PCSK6: variants seen among roughly 807,000 people sequenced by gnomAD.
PCSK6 encodes proprotein convertase subtilisin/kexin type 6.
PCSK6 carries 85 observed loss-of-function variants against 123.3 expected under a neutral mutation model. The observed-to-expected ratio is 0.69, with a 90% CI of 0.58 to 0.83. The LOEUF is 0.83. PCSK6 is among the 40% of genes least tolerant of loss of function. The pLI is 0.00. For synonymous variants in PCSK6, 508 were observed against 516.0 expected (o/e 0.98, Z 0.21); for missense variants, 1,191 against 1,282.3 (o/e 0.93, Z 1.09).
chr15:101,407,360 T>C (rs2042810258), intron 6 of PCSK6, among the ~76,000 whole-genome samples: 1 of 152,218 alleles, frequency 6.6e-6, no homozygotes, highest in Non-Finnish European at 1.5e-5. Context: ...CCCCTTCCTC[T>C]TGTATTTTCA....
At chr15:101,314,395 G>A (rs772944426) in intron 19 of PCSK6, among the ~76,000 whole-genome samples, 2 of 152,156 alleles carry the variant, frequency 1.3e-5, no homozygotes, top group Non-Finnish European at 2.9e-5. Context: ...GACTGACAGC[G>A]GAGAGGGTTA....
chr15:101,435,876 G>C (rs1396128757), intron 2 of PCSK6, among the ~76,000 whole-genome samples: 4 of 152,186 alleles, frequency 2.6e-5, no homozygotes, highest in African/African-American at 9.7e-5. Flanking sequence ...TTGCCATGCT[G>C]CAGGCTGTCC....
chr15:101,484,010 T>C (rs1361398527), intron 1 of PCSK6, among the ~76,000 whole-genome samples: 3 of 152,376 alleles, frequency 2.0e-5, no homozygotes, highest in East Asian at 3.9e-4. Context: ...TGTATCTGTG[T>C]ATATGTCTAT....
intron 13 of PCSK6, among the ~76,000 whole-genome samples, chr15:101,344,489 A>G (rs2040687032): frequency 6.6e-6 from 1 of 152,186 alleles, no homozygotes; most frequent in South Asian, 2.1e-4. Context: ...CTGGAGAATC[A>G]CTAACTCATA....
At position 101,388,327 on chromosome 15, in the gene PCSK6, C is replaced by T. The variant is rs1436158061; in HGVS notation, c.1310+1137G>A. Among the ~76,000 whole-genome samples the T allele has an allele frequency of 3.3e-5, 5 of 152,356 alleles. No homozygotes were observed. The East Asian group carries it at 5.8e-4, about 18-fold the overall frequency. ...ATCCACATGCAAACACACGTAATTA[C>T]AAGCATTGAGGCATCCCAACCATTC... is the stretch of plus-strand genomic sequence containing the variant. On this transcript the variant is annotated intron_variant, in intron 9 of 21. Coordinates refer to ENST00000611716, the MANE Select transcript of PCSK6 (RefSeq NM_002570.5).
At position 101,384,397 on chromosome 15, in the gene PCSK6, G is replaced by A. The variant is rs889200305; in HGVS notation, c.1339C>T (p.His447Tyr). 7 of 1,613,764 alleles carry A rather than the reference G, an allele frequency of 4.3e-6. No homozygotes were observed. Among genetic ancestry groups the A allele is most frequent in the Non-Finnish European group, 5.9e-6 (7 of 1,179,802 alleles). The change falls in exon 10 of 22, where the codon CAC becomes TAC. Residue 447 changes from histidine (H) to tyrosine (Y), a missense_variant. His to Tyr is a moderately conservative substitution (Grantham distance 83). Around this residue, in one of 3 missense-constraint regions of PCSK6, gnomAD observed 357 missense variants for 484.5 expected, o/e 0.74. Coordinates refer to ENST00000611716, the MANE Select transcript of PCSK6 (RefSeq NM_002570.5). The stretch of plus-strand genomic sequence containing the variant: ...GGCCGGGATGTCTTCACTAGCAGGT[G>A]CTGGACGTCCCTCCAGGTTAACTGG... ...NSQLTWRDVQ[H>Y]LLVKTSRPAH...
At chr15:101,454,774 G>A (rs1052730981) in intron 1 of PCSK6, among the ~76,000 whole-genome samples, 6 of 152,082 alleles carry the variant, frequency 3.9e-5, no homozygotes, top group South Asian at 4.2e-4. Context: ...GTGAAACCCC[G>A]CCTCTACCAA....
At chr15:101,333,319 A>C (rs1180319947) in intron 13 of PCSK6, among the ~76,000 whole-genome samples, 2 of 152,178 alleles carry the variant, frequency 1.3e-5, no homozygotes, top group Non-Finnish European at 2.9e-5. Context: ...TTTGTTTCTA[A>C]TTGGATTGGC....
chr15:101,305,539 C>T lies in PCSK6; in HGVS notation c.2813-184G>A. The T allele has an allele frequency of 1.9e-6, 1 of 540,162 alleles. No individual in the cohort carries two copies. The highest frequency in any genetic ancestry group is 3.3e-5 in the East Asian group (1 of 29,966). 33.5% of individuals were successfully genotyped at this position (540,162 alleles called of 1,614,324 possible). On this transcript the variant is annotated intron_variant, in intron 21 of 21. Coordinates refer to ENST00000611716, the MANE Select transcript of PCSK6 (RefSeq NM_002570.5). This position sits in a 1 kb window ranked among gnomAD's most constrained non-coding sequence, Gnocchi z 4.8. ...TCTAACCAACATGGTGAAACCCCGT[C>T]TCTACTAATAATATAAAAATTAGCT...
At chr15:101,450,009 C>A (rs536047485) in intron 1 of PCSK6, among the ~76,000 whole-genome samples, 8 of 152,236 alleles carry the variant, frequency 5.3e-5, no homozygotes, top group African/African-American at 1.9e-4. Context: ...CACGCCAGAG[C>A]AGCATCAACA....
At chr15:101,361,324 A>AT (rs2041216429) in intron 13 of PCSK6, among the ~76,000 whole-genome samples, 1 of 150,452 alleles carries the variant, frequency 6.6e-6, no homozygotes, top group Non-Finnish European at 1.5e-5. Flanking sequence ...GTAAGACATA[A>AT]TCCATCACCC....
At chr15:101,405,228 A>G (rs1231923732) in intron 6 of PCSK6, among the ~76,000 whole-genome samples, 1 of 152,216 alleles carries the variant, frequency 6.6e-6, no homozygotes, top group Non-Finnish European at 1.5e-5. Flanking sequence ...AGAAAGGCCC[A>G]TTTACTATAA....
intron 13 of PCSK6, among the ~76,000 whole-genome samples, chr15:101,359,602 G>A (rs1446819152): frequency 6.6e-6 from 1 of 152,264 alleles, no homozygotes; most frequent in Non-Finnish European, 1.5e-5. Flanking sequence ...GCCCATCAGT[G>A]CTAAGGCCAA....
intron 9 of PCSK6, among the ~76,000 whole-genome samples, chr15:101,389,058 A>G (rs1000596689): frequency 2.6e-5 from 4 of 152,238 alleles, no homozygotes; most frequent in Non-Finnish European, 5.9e-5. Context: ...CCCTAATCCA[A>G]TATGACCAGT....
chr15:101,444,809 T>C (rs999105674), intron 1 of PCSK6, among the ~76,000 whole-genome samples: 1 of 152,214 alleles, frequency 6.6e-6, no homozygotes, highest in Non-Finnish European at 1.5e-5. Context: ...TAGTCTGCTA[T>C]AGTCTGACCT....
At chr15:101,369,976 C>G (rs8037862) in intron 12 of PCSK6, among the ~76,000 whole-genome samples, 1 of 152,184 alleles carries the variant, frequency 6.6e-6, no homozygotes, top group African/African-American at 2.4e-5. Flanking sequence ...CAAAAGCCAA[C>G]TGAATAGGAT....
At position 101,320,375 on chromosome 15, in the gene PCSK6, T is replaced by C. The variant is rs545346834; in HGVS notation, c.2466-1953A>G. Among the ~76,000 whole-genome samples, 373 of 152,318 alleles carry C rather than the reference T, an allele frequency of 2.4e-3. 3 individuals carry two copies. Among genetic ancestry groups the C allele is most frequent in the East Asian group, 9.6e-4 (5 of 5,184 alleles). On this transcript the variant is annotated intron_variant, in intron 18 of 21. Coordinates refer to ENST00000611716, the MANE Select transcript of PCSK6 (RefSeq NM_002570.5). ...TGCTGGGATTACAGGCGTGAGCCAC[T>C]GCGTTCAGCCTGAGCTATATATTTA...
chr15:101,402,469 C>T (rs1253092146), intron 6 of PCSK6, among the ~76,000 whole-genome samples: 3 of 152,132 alleles, frequency 2.0e-5, no homozygotes, highest in Non-Finnish European at 4.4e-5. Flanking sequence ...AAACTACCAT[C>T]AGAGTGAACA....
At chr15:101,346,993 T>C (rs544156012) in intron 13 of PCSK6, 4 of 1,231,708 alleles carry the variant, frequency 3.2e-6, no homozygotes, top group South Asian at 4.1e-5. Context: ...GGTAAAGAGA[T>C]TGACTGCAAT....
Sources: allele counts gnomAD v4.1 joint callset (sites outside exome capture counted in the v4.1 genomes callset), GRCh38; gene constraint gnomAD v4.1.1; regional missense constraint gnomAD v4.1.1; non-coding constraint Gnocchi (gnomAD v3.1); transcripts MANE v1.5; gene names NCBI Gene and HGNC (gene_info 2026-07-23, HGNC 2026-07-21).